The following SESTD1 variants were observed in gnomAD, a reference collection of about 807,000 sequenced individuals.
SESTD1 encodes SEC14 domain and spectrin repeat-containing protein 1.
Under a neutral mutation model 101.7 loss-of-function variants are expected in SESTD1, and 43 were observed. The ratio of observed to expected loss-of-function variants is 0.42; its 90% confidence interval spans 0.33 to 0.55. SESTD1 has a LOEUF of 0.55. Among genes scored for constraint, SESTD1 ranks in the 20% least tolerant of loss-of-function variants. SESTD1 has a pLI of 0.07. For synonymous variants in SESTD1, 283 were observed against 286.8 expected, an observed-to-expected ratio of 0.99 and a Z score of 0.13; for missense variants, 647 against 815.1, an observed-to-expected ratio of 0.79 and a Z score of 2.51.
chr2:179,215,854 G>A lies in SESTD1; in HGVS notation c.-25-23988C>T, dbSNP rs577078435. On this transcript the variant is annotated intron_variant, in intron 1 of 17. Transcript: ENST00000428443. Reference sequence around the variant, plus strand: ...GTTCATCATATGCAAATCAATAAACGTAATCCATCACATAAACAGTACCAA... The same window carrying A: ...GTTCATCATATGCAAATCAATAAACATAATCCATCACATAAACAGTACCAA... Among the ~76,000 whole-genome samples, 21 of 134,852 alleles carry A rather than the reference G, an allele frequency of 1.6e-4. 3 individuals are homozygous for A. Among genetic ancestry groups the A allele is most frequent in the East Asian group, 8.0e-4 (4 of 5,020 alleles). 88.5% of individuals were successfully genotyped at this position (134,852 alleles called of 152,430 possible). A position where few individuals can be genotyped will look rare whatever the true frequency, so the allele number is the denominator to read the frequency against.
At chr2:179,132,462 A>G (rs548507989) in intron 9 of SESTD1, 36 bp from the exon 10 acceptor site, 11 of 1,536,122 alleles carry the variant, frequency 7.2e-6, no homozygotes, top group Middle Eastern at 1.8e-4. Flanking sequence ...TTTTTAAAGA[A>G]TCAGAAACTT....
intron 1 of SESTD1, among the ~76,000 whole-genome samples, chr2:179,238,025 TA>T (rs1387474333): frequency 6.6e-5 from 10 of 152,164 alleles, no homozygotes; most frequent in African/African-American, 2.4e-4. Context: ...ACCAATAACA[TA>T]AAAGCAATTA....
chr2:179,234,168 TACA>T (rs1410315851), intron 1 of SESTD1, among the ~76,000 whole-genome samples: 2 of 152,182 alleles, frequency 1.3e-5, no homozygotes, highest in African/African-American at 4.8e-5. Context: ...AGACTTCATT[TACA>T]ACATCAGCTC....
At chr2:179,200,306 T>C (rs1245322141) in intron 1 of SESTD1, among the ~76,000 whole-genome samples, 14 of 152,190 alleles carry the variant, frequency 9.2e-5, no homozygotes, top group Non-Finnish European at 2.1e-4. Flanking sequence ...TCCATGCTCA[T>C]GGGTAGGAAG....
chr2:179,229,774 T>TATATAC (rs1324308376), intron 1 of SESTD1, among the ~76,000 whole-genome samples: 8 of 115,042 alleles, frequency 7.0e-5, no homozygotes, highest in African/African-American at 2.0e-4. Flanking sequence ...TATATATATA[T>TATATAC]ACTCAAATAC....
At chr2:179,225,243 T>C (rs954877038) in intron 1 of SESTD1, among the ~76,000 whole-genome samples, 2 of 152,158 alleles carry the variant, frequency 1.3e-5, no homozygotes, top group Non-Finnish European at 2.9e-5. Context: ...CTATGTTGAC[T>C]GTGTCAGAGA....
intron 1 of SESTD1, among the ~76,000 whole-genome samples, chr2:179,198,960 T>C (rs1442319856): frequency 5.3e-5 from 8 of 151,482 alleles, no homozygotes; most frequent in African/African-American, 1.2e-4. Flanking sequence ...AAAATCGGAG[T>C]TAAACTGAAG....
intron 1 of SESTD1, among the ~76,000 whole-genome samples, chr2:179,255,035 C>A (rs1057454369): frequency 2.0e-5 from 3 of 152,146 alleles, no homozygotes; most frequent in Non-Finnish European, 4.4e-5. Context: ...ATGAATCAAA[C>A]CCATATAAGA....
rs1230420239 is a variant in SESTD1, at chr2:179,264,764, G to T, written c.-291C>A. On this transcript the variant is annotated 5_prime_UTR_variant, in exon 1 of 18. Transcript: ENST00000428443. Reference sequence around the variant, plus strand: ...TCTCGGCACCCGCGGCCCGAGCCGCGTCCGCGCGACCCCGCGCGCGCCCGG... The same window carrying T: ...TCTCGGCACCCGCGGCCCGAGCCGCTTCCGCGCGACCCCGCGCGCGCCCGG... 1.3e-5 allele frequency: 2 copies of T among 151,676 alleles called. No individual in the cohort carries two copies. The highest frequency in any genetic ancestry group is 3.0e-5 in the Non-Finnish European group (2 of 67,660). The allele number at this position is 151,676 out of a possible 1,614,324, so 9.4% of individuals were successfully genotyped here.
At chr2:179,186,361 T>A (rs1036027082) in intron 2 of SESTD1, among the ~76,000 whole-genome samples, 4 of 152,084 alleles carry the variant, frequency 2.6e-5, no homozygotes, top group Non-Finnish European at 5.9e-5. Flanking sequence ...TCTTAGCTGA[T>A]ACACACTTCA....
At chr2:179,235,731 A>C (rs1051739883) in intron 1 of SESTD1, among the ~76,000 whole-genome samples, 1 of 152,172 alleles carries the variant, frequency 6.6e-6, no homozygotes, top group Non-Finnish European at 1.5e-5. Context: ...CTCCATTTGA[A>C]AATCCCGAAT....
chr2:179,167,576 C>T (rs906453953), intron 5 of SESTD1, among the ~76,000 whole-genome samples: 5 of 151,906 alleles, frequency 3.3e-5, no homozygotes, highest in African/African-American at 1.2e-4. Context: ...CACAGAGATA[C>T]AGCAAAATAA....
At chr2:179,125,625 A>G (rs1054326933) in intron 10 of SESTD1, among the ~76,000 whole-genome samples, 3 of 152,192 alleles carry the variant, frequency 2.0e-5, no homozygotes, top group Admixed American at 6.5e-5. Context: ...ATGCTTATAA[A>G]CTACAAAAGG....
intron 10 of SESTD1, among the ~76,000 whole-genome samples, chr2:179,128,421 T>C (rs2154394217): frequency 6.6e-6 from 1 of 152,248 alleles, no homozygotes; most frequent in Non-Finnish European, 1.5e-5. Context: ...GTCATCCAAA[T>C]GTTTCTTCCT....
At chr2:179,253,254 A>T (rs2047344650) in intron 1 of SESTD1, among the ~76,000 whole-genome samples, 1 of 152,202 alleles carries the variant, frequency 6.6e-6, no homozygotes, top group African/African-American at 2.4e-5. Flanking sequence ...AACACCTCTG[A>T]GAAACTGTCA....
chr2:179,225,696 G>C (rs935714444), intron 1 of SESTD1, among the ~76,000 whole-genome samples: 30 of 152,194 alleles, frequency 2.0e-4, no homozygotes, highest in African/African-American at 6.5e-4. Context: ...GCAGAAAGAT[G>C]GGAGGGCAAA....
intron 17 of SESTD1, among the ~76,000 whole-genome samples, chr2:179,112,285 T>G (rs1467662006): frequency 6.6e-6 from 1 of 152,226 alleles, no homozygotes. Flanking sequence ...GTTTCTTCAT[T>G]TGTAAATCAG....
chr2:179,125,851 C>A (rs2044861324), intron 10 of SESTD1, among the ~76,000 whole-genome samples: 1 of 152,198 alleles, frequency 6.6e-6, no homozygotes, highest in South Asian at 2.1e-4. Context: ...TTCCCACCAA[C>A]AAATCCCCAA....
chr2:179,213,399 G>A lies in SESTD1; in HGVS notation c.-25-21533C>T, dbSNP rs970353427. 2.2e-5 allele frequency among the ~76,000 whole-genome samples: 3 copies of A among 134,782 alleles called. 1 individual carries two copies. The highest frequency in any genetic ancestry group is 8.8e-5 in the African/African-American group (3 of 34,042). 88.4% of individuals were successfully genotyped at this position (134,782 alleles called of 152,430 possible). ...CGATCAAGTGGAAGAAAGGATATCA[G>A]TGATTGAAGATCAAATTAATGAAAT... On this transcript the variant is annotated intron_variant, in intron 1 of 17. Transcript: ENST00000428443.
Sources: allele counts gnomAD v4.1 joint callset (sites outside exome capture counted in the v4.1 genomes callset), GRCh38; gene constraint gnomAD v4.1.1; transcripts MANE v1.5; gene names NCBI Gene and HGNC (gene_info 2026-07-23, HGNC 2026-07-21).